Variants in EXOC4 observed in about 807,000 individuals in gnomAD.
The protein encoded by EXOC4 is exocyst complex component 4.
Under a neutral mutation model 107.2 loss-of-function variants are expected in EXOC4, and 71 were observed. The ratio of observed to expected loss-of-function variants is 0.66; its 90% CI spans 0.55 to 0.81. The LOEUF is 0.81. Among genes scored for constraint, EXOC4 ranks in the 30% least tolerant of loss-of-function variants. The probability of loss-of-function intolerance (pLI) is 0.00; values close to 1 mark genes in which losing one functional copy is unlikely to be tolerated. For missense variants in EXOC4, 1,108 were observed against 1,189.6 expected, an observed-to-expected ratio of 0.93 and a Z score of 1.01; for synonymous variants, 456 against 441.2, an observed-to-expected ratio of 1.03 and a Z score of -0.42.
chr7:133,835,449 T>C (rs1156268082), intron 11 of EXOC4, among the ~76,000 whole-genome samples: 1 of 152,150 alleles, frequency 6.6e-6, no homozygotes, highest in East Asian at 1.9e-4. Context: ...TTTGTGTTCA[T>C]AGGTAGATAA....
intron 11 of EXOC4, among the ~76,000 whole-genome samples, chr7:133,832,117 T>C (rs1400736534): frequency 1.3e-5 from 2 of 152,250 alleles, no homozygotes; most frequent in East Asian, 1.9e-4. Context: ...GAAACAACTT[T>C]ATCAGCTAGT....
intron 13 of EXOC4, among the ~76,000 whole-genome samples, chr7:133,929,255 A>T (rs1800122285): frequency 1.3e-5 from 2 of 152,040 alleles, no homozygotes; most frequent in Non-Finnish European, 2.9e-5. Context: ...TTAGACAGTT[A>T]TATATGGTTG....
chr7:133,502,035 A>T (rs914752744), intron 9 of EXOC4, among the ~76,000 whole-genome samples: 1 of 152,170 alleles, frequency 6.6e-6, no homozygotes, highest in South Asian at 2.1e-4. Flanking sequence ...TTGATTAGCA[A>T]TGGAGCAGGG....
At chr7:133,468,393 GA>G (rs1489833734) in intron 7 of EXOC4, among the ~76,000 whole-genome samples, 1 of 151,628 alleles carries the variant, frequency 6.6e-6, no homozygotes, top group African/African-American at 2.4e-5. Context: ...CTGCTCTATT[GA>G]AAAAAATAAC....
rs62472374 is a variant in EXOC4, at chr7:133,402,489, G to C, written c.1182+27487G>C. Among the ~76,000 whole-genome samples the C allele has an allele frequency of 2.0e-5, 3 of 152,062 alleles. No homozygotes were observed. The South Asian group carries it at 6.2e-4, about 32-fold the overall frequency. On this transcript the variant is annotated intron_variant, in intron 7 of 17. Transcript: ENST00000253861. ...TCTTGGGTGGGACTAGAGAATTTGCGTTTCATTCATTCATTTATTTATTTT... is the reference window on the plus strand; with the variant it reads ...TCTTGGGTGGGACTAGAGAATTTGCCTTTCATTCATTCATTTATTTATTTT...
chr7:133,950,966 T>C (rs1402301164), intron 14 of EXOC4, among the ~76,000 whole-genome samples: 1 of 152,192 alleles, frequency 6.6e-6, no homozygotes, highest in Non-Finnish European at 1.5e-5. Flanking sequence ...CACAGAAATC[T>C]TGGAAGTGTG....
chr7:133,718,711 A>T (rs1455349960), intron 10 of EXOC4, among the ~76,000 whole-genome samples: 12 of 151,968 alleles, frequency 7.9e-5, no homozygotes, highest in Admixed American at 7.9e-4. Flanking sequence ...TTTTCCTGGG[A>T]TTGTAGTGAG....
intron 10 of EXOC4, among the ~76,000 whole-genome samples, chr7:133,770,115 A>C (rs1796215896): frequency 6.6e-6 from 1 of 151,918 alleles, no homozygotes. Flanking sequence ...TAATGTCATA[A>C]ATGTTCTCAT....
chr7:133,328,103 A>G (rs1019754348), intron 5 of EXOC4, among the ~76,000 whole-genome samples: 3 of 152,128 alleles, frequency 2.0e-5, no homozygotes, highest in Admixed American at 6.5e-5. Flanking sequence ...TGCTTTATGA[A>G]TCTGAGTGCT....
chr7:133,976,834 A>G (rs1031661468), intron 14 of EXOC4, among the ~76,000 whole-genome samples: 2 of 152,240 alleles, frequency 1.3e-5, no homozygotes, highest in African/African-American at 2.4e-5. Flanking sequence ...GTTTACCAGT[A>G]TCAGCCCACT....
intron 9 of EXOC4, among the ~76,000 whole-genome samples, chr7:133,546,530 G>T (rs1584990053): frequency 6.6e-6 from 1 of 152,074 alleles, no homozygotes; most frequent in African/African-American, 2.4e-5. Flanking sequence ...TGCTGGGATT[G>T]CAGGAGTGAG....
chr7:134,064,264 G>T (rs1796135668), intron 17 of EXOC4, 27 bp from the exon 18 acceptor site: 2 of 1,390,404 alleles, frequency 1.4e-6, no homozygotes, highest in East Asian at 5.2e-5. Context: ...GGGAGCCAGT[G>T]AGCAGTGTTC....
chr7:133,886,431 A>T (rs1585223607), intron 11 of EXOC4, among the ~76,000 whole-genome samples: 1 of 152,234 alleles, frequency 6.6e-6, no homozygotes, highest in East Asian at 1.9e-4. Flanking sequence ...GTGCAGAACC[A>T]AACAACTGGT....
Position 134,005,088 on chromosome 7 carries a change from A to G in EXOC4, c.2525A>G (p.Glu842Gly). The G allele has an allele frequency of 6.2e-7, 1 of 1,612,404 alleles. No individual in the cohort carries two copies. The highest frequency in any genetic ancestry group is 1.1e-5 in the South Asian group (1 of 90,936). The change falls in exon 16 of 18, where the codon GAA (glutamate) becomes GGA (glycine). Residue 842 changes from glutamate (E) to glycine (G), a missense_variant and splice_region_variant. Coordinates refer to ENST00000253861, the MANE Select transcript of EXOC4 (RefSeq NM_021807.4). ...LQQHKFQYIF[E>G]GLGHLISCIL... is the part of the protein sequence containing the mutation. ...CAGCACAAGTTCCAGTATATCTTCG[A>G]AGGTCAGACCCTGCTTCTGTCTCTG...
chr7:133,701,876 C>T (rs1794662982), intron 10 of EXOC4, among the ~76,000 whole-genome samples: 1 of 152,052 alleles, frequency 6.6e-6, no homozygotes, highest in African/African-American at 2.4e-5. Context: ...AGTTTGTGTG[C>T]ATTAAAGCAT....
chr7:134,023,810 C>A (rs1345613907), intron 17 of EXOC4, among the ~76,000 whole-genome samples: 1 of 152,168 alleles, frequency 6.6e-6, no homozygotes, highest in African/African-American at 2.4e-5. Context: ...AGTGTTTTAT[C>A]TTCCCAGAGA....
At chr7:133,865,250 A>C (rs1215934959) in intron 11 of EXOC4, among the ~76,000 whole-genome samples, 1 of 152,172 alleles carries the variant, frequency 6.6e-6, no homozygotes, top group African/African-American at 2.4e-5. Context: ...AGAAATGAAG[A>C]ATAAGAAATT....
intron 10 of EXOC4, among the ~76,000 whole-genome samples, chr7:133,659,850 C>G (rs927666165): frequency 1.3e-5 from 2 of 152,196 alleles, no homozygotes; most frequent in African/African-American, 2.4e-5. Context: ...GACAAACCCT[C>G]TTTGCTTTAC....
At chr7:133,343,596 GTT>G (rs1415362333) in intron 5 of EXOC4, among the ~76,000 whole-genome samples, 1 of 142,268 alleles carries the variant, frequency 7.0e-6, no homozygotes, top group Non-Finnish European at 1.5e-5. Context: ...TTTTAGTTCC[GTT>G]TTTTTTTTTT....
Sources: gnomAD v4.1 joint callset for allele counts (sites outside exome capture counted in the v4.1 genomes callset) on GRCh38, gnomAD v4.1.1 for gene constraint, MANE v1.5 for transcripts, NCBI Gene and HGNC (gene_info 2026-07-23, HGNC 2026-07-21) for gene names.